Variants in GALNT18 observed in about 807,000 individuals in gnomAD.
The protein encoded by GALNT18 is GalNAc-transferase 18.
GALNT18 carries 44 observed loss-of-function variants against 69.5 expected under a neutral mutation model. That is an observed-to-expected ratio of 0.63 (90% CI 0.50 to 0.81). GALNT18 has a LOEUF of 0.81. Ranked by LOEUF, GALNT18 falls within the 40% of genes least tolerant of loss-of-function variation. GALNT18 has a pLI of 0.00. For missense variants in GALNT18, 715 were observed against 810.0 expected (o/e 0.88, Z 1.42); for synonymous variants, 364 against 318.2 (o/e 1.14, Z -1.53).
At position 11,605,423 on chromosome 11, in the gene GALNT18, G is replaced by T. The variant is rs1043586831; in HGVS notation, c.235+15936C>A. Among the ~76,000 whole-genome samples the T allele has an allele frequency of 1.3e-5, 2 of 152,190 alleles. No individual in the cohort carries two copies. On this transcript the variant is annotated intron_variant, in intron 1 of 10. Coordinates refer to ENST00000227756, the MANE Select transcript of GALNT18 (RefSeq NM_198516.3). This position sits in a 1 kb window ranked among gnomAD's most constrained non-coding sequence, Gnocchi z 4.7. ...CTGTCTCCTGAGTGCGAAACAGCAA[G>T]TCCTAACTTGCCAGGCCGCCAGTCA... is the stretch of plus-strand genomic sequence containing the variant.
intron 1 of GALNT18, among the ~76,000 whole-genome samples, chr11:11,530,717 C>T (rs771465690): frequency 1.3e-4 from 20 of 152,302 alleles, no homozygotes; most frequent in Middle Eastern, 3.4e-3. Flanking sequence ...TCAGTGTTCA[C>T]GACCCAAAGC....
intron 9 of GALNT18, among the ~76,000 whole-genome samples, chr11:11,324,849 G>A: frequency 6.6e-6 from 1 of 152,074 alleles, no homozygotes; most frequent in East Asian, 1.9e-4. Context: ...CTCCCACACT[G>A]TGGGTTGTCT....
At chr11:11,490,227 T>TAACACACACACACA (rs879361945) in intron 1 of GALNT18, among the ~76,000 whole-genome samples, 4 of 74,494 alleles carry the variant, frequency 5.4e-5, no homozygotes, top group African/African-American at 2.1e-4. Flanking sequence ...TCTCTCTCTC[T>TAACACACACACACA]CTCTCTAACA....
rs1461759562 is a variant in GALNT18, at chr11:11,421,567, T to A, written c.595+11054A>T. ...GGCATCAGAGCAAGATTCCATTCCA[T>A]CAGAGAACAGCAAGTTGACAGGAAA... On this transcript the variant is annotated intron_variant, in intron 3 of 10. Transcript: ENST00000227756. The surrounding 1 kb of genome is among the most constrained non-coding windows in gnomAD (Gnocchi z 5.6). Among the ~76,000 whole-genome samples the A allele has an allele frequency of 6.6e-6, 1 of 151,902 alleles. No homozygotes were observed. The highest frequency in any genetic ancestry group is 1.5e-5 in the Non-Finnish European group (1 of 67,976).
intron 3 of GALNT18, among the ~76,000 whole-genome samples, chr11:11,384,152 T>A (rs907555438): frequency 6.6e-6 from 1 of 151,912 alleles, no homozygotes; most frequent in Admixed American, 6.6e-5. Flanking sequence ...ATGGACTGAG[T>A]GTTTATTTAT....
At chr11:11,429,545 T>C (rs1033049274) in intron 3 of GALNT18, among the ~76,000 whole-genome samples, 3 of 152,178 alleles carry the variant, frequency 2.0e-5, no homozygotes, top group Non-Finnish European at 4.4e-5. Flanking sequence ...AGGGTAATAG[T>C]GACAGGGATC....
intron 1 of GALNT18, among the ~76,000 whole-genome samples, chr11:11,482,401 A>G (rs1428204558): frequency 6.6e-6 from 1 of 152,252 alleles, no homozygotes; most frequent in African/African-American, 2.4e-5. Context: ...GCCAGAAGGC[A>G]AGGGAATGAG....
chr11:11,400,010 G>T (rs1854424099), intron 3 of GALNT18, among the ~76,000 whole-genome samples: 1 of 152,180 alleles, frequency 6.6e-6, no homozygotes, highest in Non-Finnish European at 1.5e-5. Flanking sequence ...AGTGTGGGCT[G>T]GATTTAGTTG....
chr11:11,533,836 C>T (rs533240571), intron 1 of GALNT18, among the ~76,000 whole-genome samples: 1 of 152,238 alleles, frequency 6.6e-6, no homozygotes, highest in Admixed American at 6.5e-5. Flanking sequence ...GCCTCATTAT[C>T]TCCTGCTCTC....
intron 3 of GALNT18, among the ~76,000 whole-genome samples, chr11:11,431,910 T>C (rs940529385): frequency 3.9e-5 from 6 of 152,186 alleles, no homozygotes; most frequent in Non-Finnish European, 8.8e-5. Flanking sequence ...AAATGTGGTC[T>C]TTCAGTCTGG....
rs1315355684 is a variant in GALNT18, at chr11:11,387,729, A to T, written c.596-8465T>A. ...ACATCACATGGGAAGCTAAAAATTA[A>T]ATAAAGACAGATGTCACCGTCCGCA... is the stretch of plus-strand genomic sequence containing the variant. On this transcript the variant is annotated intron_variant, in intron 3 of 10. Coordinates refer to ENST00000227756, the MANE Select transcript of GALNT18 (RefSeq NM_198516.3). This position sits in a 1 kb window ranked among gnomAD's most constrained non-coding sequence, Gnocchi z 4.6. Among the ~76,000 whole-genome samples, 1 of 152,208 alleles carries T rather than the reference A, an allele frequency of 6.6e-6. No individual in the cohort carries two copies. Among genetic ancestry groups the T allele is most frequent in the East Asian group, 1.9e-4 (1 of 5,188 alleles).
chr11:11,406,484 C>T (rs2129529), intron 3 of GALNT18, among the ~76,000 whole-genome samples: 46,205 of 152,106 alleles, frequency 0.3, 8,084 homozygotes, highest in East Asian at 0.62. Context: ...TATCACAAAA[C>T]GCTGATATTT....
intron 1 of GALNT18, among the ~76,000 whole-genome samples, chr11:11,588,642 T>A (rs1474464475): frequency 6.6e-6 from 1 of 152,208 alleles, no homozygotes; most frequent in Non-Finnish European, 1.5e-5. Flanking sequence ...CTTATCCAGG[T>A]CAGCTCCAGG....
chr11:11,367,170 T>G (rs1850791893), intron 6 of GALNT18, among the ~76,000 whole-genome samples: 1 of 152,064 alleles, frequency 6.6e-6, no homozygotes, highest in Non-Finnish European at 1.5e-5. Context: ...AATCAGATCT[T>G]GTGATGAGGC....
At position 11,339,210 on chromosome 11, in the gene GALNT18, C is replaced by G. The variant is rs528304802; in HGVS notation, c.1278+1609G>C. On this transcript the variant is annotated intron_variant, in intron 7 of 10. Coordinates refer to ENST00000227756, the MANE Select transcript of GALNT18 (RefSeq NM_198516.3). The surrounding 1 kb of genome is among the most constrained non-coding windows in gnomAD (Gnocchi z 5.2). ...CCTAAGGCTTTATCCTGGGCAATTCCACCTCTTACCTGTCTTGTGTTCACT... is the reference window on the plus strand; with the variant it reads ...CCTAAGGCTTTATCCTGGGCAATTCGACCTCTTACCTGTCTTGTGTTCACT... Among the ~76,000 whole-genome samples, 1 of 152,144 alleles carries G rather than the reference C, an allele frequency of 6.6e-6. No individual in the cohort carries two copies. The highest frequency in any genetic ancestry group is 2.4e-5 in the African/African-American group (1 of 41,428).
At chr11:11,279,088 TG>T (rs1372340547) in intron 10 of GALNT18, among the ~76,000 whole-genome samples, 5 of 152,170 alleles carry the variant, frequency 3.3e-5, no homozygotes, top group Non-Finnish European at 7.3e-5. Context: ...TGGTGAGAAG[TG>T]GGCTCTCTCC....
chr11:11,400,996 G>A (rs1196122597), intron 3 of GALNT18, among the ~76,000 whole-genome samples: 4 of 152,110 alleles, frequency 2.6e-5, no homozygotes, highest in Non-Finnish European at 4.4e-5. Flanking sequence ...GCTGAGGGTC[G>A]GCCGGGGCAG....
intron 1 of GALNT18, among the ~76,000 whole-genome samples, chr11:11,452,799 T>C (rs1052271460): frequency 6.6e-6 from 1 of 152,050 alleles, no homozygotes; most frequent in Non-Finnish European, 1.5e-5. Context: ...CCTTCCAGGA[T>C]TGGACTCTGG....
intron 1 of GALNT18, among the ~76,000 whole-genome samples, chr11:11,611,806 C>G (rs939196703): frequency 6.6e-6 from 1 of 152,172 alleles, no homozygotes; most frequent in East Asian, 1.9e-4. Context: ...TGACAAGGAC[C>G]AGTTCCTGGA....
Sources: allele counts gnomAD v4.1 joint callset (sites outside exome capture counted in the v4.1 genomes callset), GRCh38; gene constraint gnomAD v4.1.1; non-coding constraint Gnocchi (gnomAD v3.1); transcripts MANE v1.5; gene names NCBI Gene and HGNC (gene_info 2026-07-23, HGNC 2026-07-21).